DNPEP: variants seen among roughly 807,000 people sequenced by gnomAD.
DNPEP encodes aspartyl aminopeptidase.
Under a neutral mutation model 59.1 loss-of-function variants are expected in DNPEP, and 46 were observed. The observed-to-expected ratio is 0.78, with a 90% CI of 0.61 to 0.99. DNPEP has a LOEUF of 0.99. Among genes scored for constraint, DNPEP ranks in the 50% least tolerant of loss-of-function variants. The pLI, the probability that DNPEP is intolerant of heterozygous loss-of-function variation, is 0.00. For missense variants in DNPEP, 617 were observed against 649.9 expected (o/e 0.95, Z 0.55); for synonymous variants, 229 against 242.2 (o/e 0.95, Z 0.50).
At chr2:219,381,624 G>A (rs1953606593) in intron 11 of DNPEP, 40 bp from the exon 12 acceptor site, 1 of 1,606,496 alleles carries the variant, frequency 6.2e-7, no homozygotes, top group Non-Finnish European at 8.5e-7. Context: ...GCAAACAGGA[G>A]CAGGCCTGTC....
chr2:219,395,693 G>T (rs1328435863), intron 1 of DNPEP, among the ~76,000 whole-genome samples: 2 of 152,196 alleles, frequency 1.3e-5, no homozygotes, highest in Non-Finnish European at 2.9e-5. Context: ...CCCCATGTCA[G>T]ATCCATCAGC....
At chr2:219,383,417 C>T (rs1295059992) in intron 9 of DNPEP, among the ~76,000 whole-genome samples, 2 of 151,828 alleles carry the variant, frequency 1.3e-5, no homozygotes, top group Non-Finnish European at 2.9e-5. Context: ...TTTTTCTTGC[C>T]AAATAAATAG....
upstream of DNPEP, among the ~76,000 whole-genome samples, chr2:219,391,245 C>A (rs1954011464): frequency 6.6e-6 from 1 of 152,156 alleles, no homozygotes. Context: ...TTCTGAGAGA[C>A]TGTATATGTC....
At chr2:219,379,294 C>G (rs1281702934) in intron 13 of DNPEP, among the ~76,000 whole-genome samples, 1 of 151,996 alleles carries the variant, frequency 6.6e-6, no homozygotes, top group African/African-American at 2.4e-5. Flanking sequence ...CAGGCAGGTC[C>G]TTTAGGAGCA....
intron 8 of DNPEP, 104 bp from the exon 9 acceptor site, chr2:219,384,547 C>T (rs1259108727): frequency 7.9e-6 from 7 of 890,688 alleles, no homozygotes; most frequent in Non-Finnish European, 1.2e-5. Context: ...CTCTCCCTGA[C>T]CCCTGGCTTA....
chr2:219,385,826 C>T, intron 6 of DNPEP, 120 bp from the exon 7 acceptor site: 5 of 1,440,278 alleles, frequency 3.5e-6, no homozygotes, highest in Non-Finnish European at 4.7e-6. Flanking sequence ...CAGCCCACTC[C>T]CCAAATCACA....
intron 9 of DNPEP, 110 bp downstream of exon 9, chr2:219,384,256 G>A: frequency 9.5e-7 from 1 of 1,049,688 alleles, no homozygotes; most frequent in South Asian, 1.6e-5. Flanking sequence ...TGAGCGGGTA[G>A]ACAATGGCCC....
chr2:219,378,864 G>GT lies in DNPEP; in HGVS notation c.1239+2470_1239+2471insA, dbSNP rs1264217649. Reference sequence around the variant, plus strand: ...ATTATGTACAGTATGCAATACCTAAGAATAATAAATGACTATGTTATGGTT... The same window carrying GT: ...ATTATGTACAGTATGCAATACCTAAGTAATAATAAATGACTATGTTATGGTT... On this transcript the variant is annotated intron_variant, in intron 13 of 14. Transcript: ENST00000273075. Among the ~76,000 whole-genome samples the GT allele has an allele frequency of 8.5e-4, 3 of 3,510 alleles. No individual in the cohort carries two copies. The Non-Finnish European group carries it at 0.016, about 19-fold the overall frequency. 2.3% of individuals were successfully genotyped at this position (3,510 alleles called of 152,430 possible). A position where few individuals can be genotyped will look rare whatever the true frequency, so the allele number is the denominator to read the frequency against.
intron 1 of DNPEP, 169 bp downstream of exon 1, chr2:219,387,573 CACCTAGTCTCTCGCAGG>C: frequency 6.6e-7 from 1 of 1,504,764 alleles, no homozygotes; most frequent in Non-Finnish European, 8.9e-7. Flanking sequence ...CTCTCGCACC[CACCTAGTCTCTCGCAGG>C]ACTCCCCCTT....
intron 13 of DNPEP, among the ~76,000 whole-genome samples, chr2:219,379,693 C>T (rs975469356): frequency 6.6e-6 from 1 of 151,958 alleles, no homozygotes; most frequent in Non-Finnish European, 1.5e-5. Flanking sequence ...GAGGCCGAGG[C>T]GGGCGGATCA....
At chr2:219,396,417 A>T (rs777043347) in intron 1 of DNPEP, among the ~76,000 whole-genome samples, 21 of 151,996 alleles carry the variant, frequency 1.4e-4, no homozygotes, top group Non-Finnish European at 2.4e-4. Flanking sequence ...GTGAAGCCCC[A>T]TCTCTACTAA....
At chr2:219,376,486 T>C (rs1260251397) in intron 13 of DNPEP, among the ~76,000 whole-genome samples, 1 of 122,672 alleles carries the variant, frequency 8.2e-6, no homozygotes, top group African/African-American at 3.1e-5. Context: ...AGACCCTGTC[T>C]AAAAAAAAAA....
At chr2:219,399,620 A>G in intron 1 of DNPEP, 1 of 640,842 alleles carries the variant, frequency 1.6e-6, no homozygotes, top group Non-Finnish European at 2.9e-6. Context: ...CGTGGAGAGA[A>G]TAGGGCACCA....
chr2:219,399,626 C>A (rs1559347389), intron 1 of DNPEP: 2 of 639,574 alleles, frequency 3.1e-6, no homozygotes, highest in Admixed American at 2.3e-5. Context: ...GAGAATAGGG[C>A]ACCAGACAGG....
intron 8 of DNPEP, 110 bp downstream of exon 8, chr2:219,385,314 G>A: frequency 1.5e-6 from 1 of 673,462 alleles, no homozygotes; most frequent in South Asian, 1.9e-5. Flanking sequence ...AAACGGGGAT[G>A]AGAGTTACTG....
Position 219,386,309 on chromosome 2 carries a change from G to T in DNPEP, c.436C>A (p.Leu146Met). The change falls in exon 5 of 15, where the codon CTG becomes ATG. Residue 146 changes from leucine to methionine, a missense_variant. By Grantham distance (15) the Leu-to-Met change is conservative. Transcript: ENST00000273075. ...WSTWFDRDLT[L>M]AGRVIVKCPT... ...ACCTTGACAATGACGCGTCCAGCCAGAGTCAGGTCACGGTCAAACCAGGTG... is the reference window on the plus strand; with the variant it reads ...ACCTTGACAATGACGCGTCCAGCCATAGTCAGGTCACGGTCAAACCAGGTG... 1 of 1,614,134 alleles carries T rather than the reference G, an allele frequency of 6.2e-7. No homozygotes were observed. The highest frequency in any genetic ancestry group is 8.5e-7 in the Non-Finnish European group (1 of 1,180,000).
At chr2:219,397,314 A>G (rs1954115378) in intron 1 of DNPEP, among the ~76,000 whole-genome samples, 1 of 151,056 alleles carries the variant, frequency 6.6e-6, no homozygotes, top group South Asian at 2.1e-4. Context: ...GGCAAACACT[A>G]CAAATCAGGG....
Position 219,387,170 on chromosome 2 carries a change from G to T in DNPEP, c.37-7C>A, listed in dbSNP as rs577309186. ...CCTTACCGTTCATGGCCACCTAGGG[G>T]AGGGGGATGCTCAGACTTTTACAAG... On this transcript the variant is annotated splice_polypyrimidine_tract_variant and splice_region_variant and intron_variant, in intron 1 of 14. Transcript: ENST00000273075. The T allele has an allele frequency of 6.4e-7, 1 of 1,553,796 alleles. No individual in the cohort carries two copies. The highest frequency in any genetic ancestry group is 1.4e-5 in the African/African-American group (1 of 73,090).
intron 10 of DNPEP, among the ~76,000 whole-genome samples, chr2:219,382,795 G>A (rs1021124428): frequency 4.6e-5 from 7 of 152,200 alleles, no homozygotes; most frequent in African/African-American, 1.7e-4. Context: ...TTCAAGCTCT[G>A]TTATGCAGCT....
Sources: gnomAD v4.1 joint callset for allele counts (sites outside exome capture counted in the v4.1 genomes callset) on GRCh38, gnomAD v4.1.1 for gene constraint, MANE v1.5 for transcripts, NCBI Gene and HGNC (gene_info 2026-07-23, HGNC 2026-07-21) for gene names.